Variants in DAAM1 observed in about 807,000 individuals in gnomAD.
The protein encoded by DAAM1 is disheveled-associated activator of morphogenesis 1.
In DAAM1, 52 loss-of-function variants were observed where a neutral mutation model predicts 130.0. That is an observed-to-expected ratio of 0.40 (90% CI 0.32 to 0.50). DAAM1 has a LOEUF of 0.50. Among genes scored for constraint, DAAM1 ranks in the 20% least tolerant of loss-of-function variants. DAAM1 has a pLI of 0.61. For missense variants in DAAM1, 1,134 were observed against 1,303.8 expected, an observed-to-expected ratio of 0.87 and a Z score of 2.01; for synonymous variants, 452 against 444.5, an observed-to-expected ratio of 1.02 and a Z score of -0.21.
intron 1 of DAAM1, among the ~76,000 whole-genome samples, chr14:59,200,736 G>A (rs1027673844): frequency 6.6e-6 from 1 of 152,168 alleles, no homozygotes; most frequent in African/African-American, 2.4e-5. Flanking sequence ...AGCCTCTTCT[G>A]TTCTGTCTGG....
At chr14:59,243,888 TAC>T (rs1881237024) in intron 1 of DAAM1, among the ~76,000 whole-genome samples, 1 of 152,236 alleles carries the variant, frequency 6.6e-6, no homozygotes, top group Non-Finnish European at 1.5e-5. Flanking sequence ...ATCCCAGGGA[TAC>T]CTGTATGTCC....
chr14:59,263,607 G>C lies in DAAM1; in HGVS notation c.130G>C (p.Ala44Pro), dbSNP rs780357372. 6.2e-6 allele frequency: 10 copies of C among 1,614,080 alleles called. No homozygotes were observed. The African/African-American group carries it at 1.3e-4, about 22-fold the overall frequency. The change falls in exon 2 of 25, where the codon GCA becomes CCA. Residue 44 changes from alanine (A) to proline (P), a missense_variant. Ala to Pro is a conservative substitution (Grantham distance 27). This residue lies in a region of DAAM1 where 99 missense variants were observed against 86.4 expected (regional missense o/e 1.15). Transcript: ENST00000360909. The part of the protein sequence containing the change: ...SNFALQTMEP[A>P]LPMPPVEELD... The stretch of plus-strand genomic sequence containing the variant: ...CTTTGCGCTTCAGACCATGGAACCA[G>C]CATTGCCCATGCCCCCTGTGGAGGA...
At chr14:59,197,220 T>G (rs76715220) in intron 1 of DAAM1, among the ~76,000 whole-genome samples, 10 of 152,202 alleles carry the variant, frequency 6.6e-5, no homozygotes, top group Non-Finnish European at 1.5e-4. Flanking sequence ...GCGGGAATTA[T>G]TTTTTCAAAT....
intron 1 of DAAM1, among the ~76,000 whole-genome samples, chr14:59,248,724 A>G (rs1187662090): frequency 1.3e-5 from 2 of 152,192 alleles, no homozygotes; most frequent in African/African-American, 2.4e-5. Context: ...GTATAGGGCA[A>G]GCAGGTTTAA....
At chr14:59,348,459 G>A (rs191567368) in intron 17 of DAAM1, among the ~76,000 whole-genome samples, 2 of 152,268 alleles carry the variant, frequency 1.3e-5, no homozygotes, top group African/African-American at 2.4e-5. Context: ...TAACTTTTCT[G>A]TGCTCTGTGG....
At chr14:59,215,510 C>T (rs1294686176) in intron 1 of DAAM1, among the ~76,000 whole-genome samples, 1 of 152,190 alleles carries the variant, frequency 6.6e-6, no homozygotes, top group African/African-American at 2.4e-5. Flanking sequence ...AGCTTGCCAC[C>T]GACCATGCTT....
chr14:59,277,367 G>A (rs1422128281), intron 2 of DAAM1, among the ~76,000 whole-genome samples: 5 of 152,016 alleles, frequency 3.3e-5, no homozygotes, highest in Non-Finnish European at 7.4e-5. Flanking sequence ...AGGTTTCTTT[G>A]TACAGAATCT....
intron 15 of DAAM1, among the ~76,000 whole-genome samples, chr14:59,332,209 T>A (rs1885471522): frequency 6.6e-6 from 1 of 152,212 alleles, no homozygotes; most frequent in African/African-American, 2.4e-5. Context: ...GTCAAAATGG[T>A]TCACCAGGAG....
chr14:59,278,405 CTAAG>C (rs1883064920), intron 2 of DAAM1, among the ~76,000 whole-genome samples: 1 of 152,116 alleles, frequency 6.6e-6, no homozygotes, highest in Non-Finnish European at 1.5e-5. Context: ...CTGCACAGGA[CTAAG>C]TGAGATTTCA....
At position 59,327,289 on chromosome 14, in the gene DAAM1, C is replaced by A. The variant is rs546685751; in HGVS notation, c.1372+298C>A. 5.1e-3 allele frequency among the ~76,000 whole-genome samples: 781 copies of A among 152,062 alleles called. 5 individuals carry two copies. Among genetic ancestry groups the A allele is most frequent in the Non-Finnish European group, 5.7e-3 (389 of 67,982 alleles). ...TTTTCTTAACTACTAATAATTCAAA[C>A]CCTTCCCCTACTCCGTCATGGCTCT... On this transcript the variant is annotated intron_variant, in intron 12 of 24. Coordinates refer to ENST00000360909, the MANE Select transcript of DAAM1 (RefSeq NM_001270520.2).
intron 2 of DAAM1, among the ~76,000 whole-genome samples, chr14:59,289,767 G>GATATAT: frequency 0.014 from 1,539 of 110,234 alleles, 184 homozygotes; most frequent in African/African-American, 0.053. Context: ...AACAAAATGT[G>GATATAT]ATATATATAT....
At chr14:59,311,918 T>G (rs1047963589) in intron 3 of DAAM1, among the ~76,000 whole-genome samples, 3 of 152,098 alleles carry the variant, frequency 2.0e-5, no homozygotes. Flanking sequence ...AGGCTCATCT[T>G]GAACTCCGGG....
At chr14:59,316,962 G>T (rs1056311996) in intron 4 of DAAM1, among the ~76,000 whole-genome samples, 1 of 152,170 alleles carries the variant, frequency 6.6e-6, no homozygotes, top group South Asian at 2.1e-4. Flanking sequence ...TCCCTGCCTT[G>T]TCTGAAGTAG....
chr14:59,339,689 C>G (rs1228338418), intron 15 of DAAM1, among the ~76,000 whole-genome samples: 1 of 152,108 alleles, frequency 6.6e-6, no homozygotes, highest in Non-Finnish European at 1.5e-5. Flanking sequence ...AGTGGCTGGA[C>G]CGGCAATGGC....
intron 3 of DAAM1, among the ~76,000 whole-genome samples, chr14:59,296,195 G>T (rs1009098338): frequency 6.6e-6 from 1 of 152,200 alleles, no homozygotes; most frequent in Non-Finnish European, 1.5e-5. Context: ...CACAGTAGCT[G>T]CAGGACAACC....
intron 2 of DAAM1, 196 bp downstream of exon 2, chr14:59,263,856 T>C: frequency 1.5e-6 from 1 of 663,602 alleles, no homozygotes; most frequent in Non-Finnish European, 2.6e-6. Flanking sequence ...GTAGTATTAC[T>C]ACATCCAAGT....
At chr14:59,271,894 AGCTATTCAGTT>A (rs1882724913) in intron 2 of DAAM1, among the ~76,000 whole-genome samples, 1 of 152,306 alleles carries the variant, frequency 6.6e-6, no homozygotes, top group South Asian at 2.1e-4. Flanking sequence ...AACCTACAGG[AGCTATTCAGTT>A]GCCTGTCCCC....
rs1297127762 is a variant in DAAM1, at chr14:59,325,721, A to G, written c.1047A>G (p.Arg349=). 6.2e-7 allele frequency: 1 copy of G among 1,614,068 alleles called. No homozygotes were observed. Among genetic ancestry groups the G allele is most frequent in the Admixed American group, 1.7e-5 (1 of 60,020 alleles). ...RNEDELEFAK[R]FELVHIDTKS... ...AAGATGAACTAGAATTTGCCAAAAG[A>G]TTTGAACTGGTACGTATGCTTACAA... Residue 349 remains arginine, a synonymous_variant, in exon 9 of 25, where the codon AGA becomes AGG. Transcript: ENST00000360909.
chr14:59,212,633 C>A (rs1375579307), intron 1 of DAAM1, among the ~76,000 whole-genome samples: 1 of 152,216 alleles, frequency 6.6e-6, no homozygotes, highest in Non-Finnish European at 1.5e-5. Context: ...TCCTACCCAG[C>A]TTGGACATGC....
Sources: allele counts gnomAD v4.1 joint callset (sites outside exome capture counted in the v4.1 genomes callset), GRCh38; gene constraint gnomAD v4.1.1; regional missense constraint gnomAD v4.1.1; transcripts MANE v1.5; gene names NCBI Gene and HGNC (gene_info 2026-07-23, HGNC 2026-07-21).